Variants in ZNF532 observed in about 807,000 individuals in gnomAD.
The protein encoded by ZNF532 is zinc finger protein 532.
A neutral mutation model predicts 89.3 loss-of-function variants in ZNF532; 22 were observed. That is an observed-to-expected ratio of 0.25 (90% CI 0.18 to 0.35). The LOEUF is 0.35. Ranked by LOEUF, ZNF532 falls within the 10% of genes least tolerant of loss-of-function variation. The probability of loss-of-function intolerance (pLI) is 1.00; values close to 1 mark genes in which losing one functional copy is unlikely to be tolerated. For synonymous variants in ZNF532, 606 were observed against 649.6 expected, an observed-to-expected ratio of 0.93 and a Z score of 1.02; for missense variants, 1,132 against 1,643.4, an observed-to-expected ratio of 0.69 and a Z score of 5.38.
intron 2 of ZNF532, among the ~76,000 whole-genome samples, chr18:58,887,668 A>G (rs1299342337): frequency 6.6e-6 from 1 of 152,070 alleles, no homozygotes; most frequent in Non-Finnish European, 1.5e-5. Flanking sequence ...CTTAACACAA[A>G]ACCACAAACC....
Position 58,970,680 on chromosome 18 carries a change from A to G in ZNF532, c.3151-8375A>G, listed in dbSNP as rs77375502. On this transcript the variant is annotated intron_variant, in intron 7 of 9. Transcript: ENST00000591808. ...TGTCGGCTTTCTAATGAGGATTAAT[A>G]AAGATGTACCCAGTGGATGGCACGA... Among the ~76,000 whole-genome samples, 873 of 152,352 alleles carry G rather than the reference A, an allele frequency of 5.7e-3. 8 individuals carry two copies. The highest frequency in any genetic ancestry group is 0.019 in the African/African-American group (802 of 41,580).
chr18:58,886,548 T>C (rs962483296), intron 2 of ZNF532, among the ~76,000 whole-genome samples: 2 of 152,186 alleles, frequency 1.3e-5, no homozygotes, highest in Non-Finnish European at 2.9e-5. Flanking sequence ...CATTTAGATA[T>C]GGTTACCATG....
chr18:58,943,343 G>A (rs1019677150), intron 5 of ZNF532, among the ~76,000 whole-genome samples: 2 of 151,274 alleles, frequency 1.3e-5, no homozygotes, highest in Admixed American at 6.6e-5. Context: ...TGTATTTTTA[G>A]TAGAGCCGGG....
intron 5 of ZNF532, among the ~76,000 whole-genome samples, chr18:58,945,166 G>T (rs1414536170): frequency 6.6e-6 from 1 of 152,176 alleles, no homozygotes; most frequent in African/African-American, 2.4e-5. Context: ...GTTGCTCAGT[G>T]TCCCCTGTTC....
chr18:58,903,748 C>T (rs1433164473), intron 2 of ZNF532, among the ~76,000 whole-genome samples: 4 of 151,960 alleles, frequency 2.6e-5, no homozygotes, highest in African/African-American at 7.3e-5. Flanking sequence ...TGTACATACC[C>T]GCAAGGCACT....
intron 2 of ZNF532, among the ~76,000 whole-genome samples, chr18:58,882,848 T>C (rs1419359311): frequency 1.3e-5 from 2 of 152,240 alleles, no homozygotes; most frequent in African/African-American, 4.8e-5. Flanking sequence ...GCTAAAGCCC[T>C]GGATTCCCAC....
At chr18:58,886,255 A>G (rs1383506841) in intron 2 of ZNF532, among the ~76,000 whole-genome samples, 1 of 152,222 alleles carries the variant, frequency 6.6e-6, no homozygotes, top group Non-Finnish European at 1.5e-5. Flanking sequence ...TGCTGAGATT[A>G]CAGGCGTGAG....
intron 2 of ZNF532, among the ~76,000 whole-genome samples, chr18:58,903,899 CATTT>C (rs1477894746): frequency 6.6e-6 from 1 of 152,114 alleles, no homozygotes; most frequent in Admixed American, 6.6e-5. Flanking sequence ...ACAATGTGTG[CATTT>C]ATAGATTGCC....
intron 2 of ZNF532, among the ~76,000 whole-genome samples, chr18:58,902,234 G>A (rs1216006639): frequency 2.6e-5 from 4 of 152,116 alleles, no homozygotes; most frequent in African/African-American, 7.2e-5. Flanking sequence ...AGGGTTAGAC[G>A]GGGGCGGTTA....
chr18:58,951,863 T>A (rs372586704), intron 6 of ZNF532, among the ~76,000 whole-genome samples: 9 of 151,960 alleles, frequency 5.9e-5, no homozygotes, highest in East Asian at 5.8e-4. Flanking sequence ...GTTAGCCAGG[T>A]TGGTCTCGAT....
intron 2 of ZNF532, among the ~76,000 whole-genome samples, chr18:58,906,477 CT>C (rs1213697388): frequency 6.6e-6 from 1 of 152,072 alleles, no homozygotes; most frequent in Non-Finnish European, 1.5e-5. Flanking sequence ...CCTTCTGACA[CT>C]ATAAGATTCA....
At position 58,919,725 on chromosome 18, in the gene ZNF532, G is replaced by A; in HGVS notation, c.1438G>A (p.Val480Ile). 1 of 1,614,076 alleles carries A rather than the reference G, an allele frequency of 6.2e-7. No individual in the cohort carries two copies. Among genetic ancestry groups the A allele is most frequent in the Non-Finnish European group, 8.5e-7 (1 of 1,180,010 alleles). ...TAACAACACCACGGTGAAAGCCACGGTCATATCTGCTGCCTCTGTCCAGAG... is the reference window on the plus strand; with the variant it reads ...TAACAACACCACGGTGAAAGCCACGATCATATCTGCTGCCTCTGTCCAGAG... ...LANNTTVKAT[V>I]ISAASVQSAS... The change falls in exon 3 of 10, where the codon GTC (valine) becomes ATC (isoleucine). Residue 480 changes from valine to isoleucine, a missense_variant. Coordinates refer to ENST00000591808, the MANE Select transcript of ZNF532 (RefSeq NM_001375912.1). This position sits in a 1 kb window ranked among gnomAD's most constrained non-coding sequence, Gnocchi z 6.1.
chr18:58,974,335 C>T (rs544703364), intron 7 of ZNF532, among the ~76,000 whole-genome samples: 13 of 152,204 alleles, frequency 8.5e-5, no homozygotes, highest in Middle Eastern at 3.4e-3. Flanking sequence ...GTACTTTCTC[C>T]GCTTAGTAGT....
chr18:58,965,197 G>A (rs9954203), intron 7 of ZNF532, among the ~76,000 whole-genome samples: 152,279 of 152,280 alleles, frequency 1, 76,139 homozygotes, highest in Middle Eastern at 1. Context: ...GCATATTAAA[G>A]TACATATTGA....
chr18:58,914,035 T>C (rs899126023), intron 2 of ZNF532, among the ~76,000 whole-genome samples: 3 of 152,228 alleles, frequency 2.0e-5, no homozygotes, highest in Non-Finnish European at 2.9e-5. Flanking sequence ...AATTTTTTTA[T>C]TGCAAAGGAA....
intron 5 of ZNF532, among the ~76,000 whole-genome samples, chr18:58,943,523 C>G (rs145422447): frequency 6.6e-6 from 1 of 150,448 alleles, no homozygotes; most frequent in African/African-American, 2.5e-5. Flanking sequence ...AGTGCAGTGG[C>G]GCAATCTTGG....
chr18:58,904,126 G>A (rs891966823), intron 2 of ZNF532, among the ~76,000 whole-genome samples: 2 of 152,144 alleles, frequency 1.3e-5, no homozygotes, highest in Admixed American at 1.3e-4. Flanking sequence ...CGAGGCAGGC[G>A]AATTGCTTCA....
At chr18:58,981,320 T>G in intron 8 of ZNF532, 150 bp from the exon 9 acceptor site, 1 of 958,200 alleles carries the variant, frequency 1.0e-6, no homozygotes, top group Middle Eastern at 3.4e-4. Context: ...CTAGCAAAAT[T>G]GCTGATTGCG....
intron 3 of ZNF532, among the ~76,000 whole-genome samples, chr18:58,924,644 C>T (rs2061388545): frequency 6.6e-6 from 1 of 152,176 alleles, no homozygotes; most frequent in Non-Finnish European, 1.5e-5. Context: ...GTATACCCTT[C>T]ATCCAGTTCC....
Sources: gnomAD v4.1 joint callset for allele counts (sites outside exome capture counted in the v4.1 genomes callset) on GRCh38, gnomAD v4.1.1 for gene constraint, Gnocchi (gnomAD v3.1) non-coding constraint, MANE v1.5 for transcripts, NCBI Gene and HGNC (gene_info 2026-07-23, HGNC 2026-07-21) for gene names.